Variants in CEP57L1 observed in about 807,000 individuals in gnomAD.
CEP57L1 encodes centrosomal protein 57 like 1.
Under a neutral mutation model 61.0 loss-of-function variants are expected in CEP57L1, and 37 were observed. That is an observed-to-expected ratio of 0.61 (90% CI 0.47 to 0.80). The LOEUF (loss-of-function observed/expected upper bound fraction) is 0.80. Among genes scored for constraint, CEP57L1 ranks in the 30% least tolerant of loss-of-function variants. The probability of loss-of-function intolerance (pLI) is 0.00; values close to 1 mark genes in which losing one functional copy is unlikely to be tolerated. For synonymous variants in CEP57L1, 137 were observed against 162.3 expected, an observed-to-expected ratio of 0.84 and a Z score of 1.19; for missense variants, 422 against 524.7, an observed-to-expected ratio of 0.80 and a Z score of 1.91.
At chr6:109,101,650 T>C (rs1341115573) in intron 1 of CEP57L1, among the ~76,000 whole-genome samples, 1 of 149,978 alleles carries the variant, frequency 6.7e-6, no homozygotes, top group Non-Finnish European at 1.5e-5. Flanking sequence ...AGACGGAGTC[T>C]CACTCTTTCG....
chr6:109,106,981 C>T lies in CEP57L1; in HGVS notation c.-4+11406C>T, dbSNP rs17070181. On this transcript the variant is annotated intron_variant, in intron 1 of 10. Coordinates refer to ENST00000517392, the MANE Select transcript of CEP57L1 (RefSeq NM_001271852.3). ...AAAATTAATGTTTGGTTAACATGTA[C>T]GTATAAAAGATAAAATTCTCCTTAA... Among the ~76,000 whole-genome samples the T allele has an allele frequency of 3.6e-3, 542 of 152,026 alleles. 6 individuals carry two copies. The highest frequency in any genetic ancestry group is 0.012 in the African/African-American group (503 of 41,430).
rs1242063815 is a variant in CEP57L1, at chr6:109,172,941, C to A, written c.*9971C>A. ...CACATACTATACTGAAGTCAGGAAC[C>A]AAGAACCGGTCAATTTACCTCAGCC... is the stretch of plus-strand genomic sequence containing the variant. On this transcript the variant is annotated 3_prime_UTR_variant, in exon 11 of 11. Transcript: ENST00000517392. 2.0e-5 allele frequency among the ~76,000 whole-genome samples: 3 copies of A among 152,148 alleles called. No individual in the cohort carries two copies. The highest frequency in any genetic ancestry group is 2.9e-5 in the Non-Finnish European group (2 of 68,038).
At chr6:109,115,932 T>C (rs1344740393) in intron 1 of CEP57L1, among the ~76,000 whole-genome samples, 2 of 152,142 alleles carry the variant, frequency 1.3e-5, no homozygotes. Context: ...ATTGCAGATA[T>C]GAAGAATATA....
chr6:109,132,694 T>C (rs188432326), intron 1 of CEP57L1, among the ~76,000 whole-genome samples: 1 of 152,330 alleles, frequency 6.6e-6, no homozygotes, highest in Admixed American at 6.5e-5. Context: ...AATACTAAAT[T>C]GTTTTAAAAT....
rs375571336 is a variant in CEP57L1, at chr6:109,109,060, G to A, written c.-4+13485G>A. ...TACAAATTTCTAACAAGGATGTTGT[G>A]GACAATTTGCTCTTCGTTATTTCTA... On this transcript the variant is annotated intron_variant, in intron 1 of 10. Coordinates refer to ENST00000517392, the MANE Select transcript of CEP57L1 (RefSeq NM_001271852.3). Among the ~76,000 whole-genome samples, 17 of 152,206 alleles carry A rather than the reference G, an allele frequency of 1.1e-4. No individual in the cohort carries two copies. The East Asian group carries it at 2.9e-3, about 26-fold the overall frequency.
chr6:109,098,497 T>C (rs1314228944), intron 1 of CEP57L1, among the ~76,000 whole-genome samples: 3 of 152,126 alleles, frequency 2.0e-5, no homozygotes, highest in East Asian at 3.9e-4. Context: ...GGCTGGAGTA[T>C]AGTCATAGCT....
At chr6:109,120,928 A>G (rs915003610) in intron 1 of CEP57L1, among the ~76,000 whole-genome samples, 1 of 103,508 alleles carries the variant, frequency 9.7e-6, no homozygotes, top group African/African-American at 2.9e-5. Flanking sequence ...ACACACACAC[A>G]CACACACACA....
intron 1 of CEP57L1, among the ~76,000 whole-genome samples, chr6:109,107,738 C>G (rs1035086243): frequency 2.0e-5 from 3 of 152,052 alleles, no homozygotes; most frequent in South Asian, 2.1e-4. Flanking sequence ...GTCAGGAGTT[C>G]GAGACCAGCT....
chr6:109,164,835 A>G lies in CEP57L1; in HGVS notation c.*1865A>G, dbSNP rs1407394996. On this transcript the variant is annotated 3_prime_UTR_variant, in exon 11 of 11. Coordinates refer to ENST00000517392, the MANE Select transcript of CEP57L1 (RefSeq NM_001271852.3). ...GGTGGCTCACACCTATAATCCCAGC[A>G]CTTTGGGAGGCCGAGGCAGGCAGAT... 6.6e-6 allele frequency among the ~76,000 whole-genome samples: 1 copy of G among 152,124 alleles called. No individual in the cohort carries two copies. Among genetic ancestry groups the G allele is most frequent in the Admixed American group, 6.5e-5 (1 of 15,268 alleles).
At chr6:109,138,910 AT>A (rs756655970) in intron 1 of CEP57L1, among the ~76,000 whole-genome samples, 3 of 152,186 alleles carry the variant, frequency 2.0e-5, no homozygotes, top group Non-Finnish European at 2.9e-5. Flanking sequence ...TGGATAGAAG[AT>A]TCATTCTTAC....
intron 1 of CEP57L1, among the ~76,000 whole-genome samples, chr6:109,131,350 T>C (rs1774181416): frequency 6.6e-6 from 1 of 152,154 alleles, no homozygotes. Context: ...TTGTTTACTG[T>C]TTGTTCTATT....
At chr6:109,147,467 TAA>T (rs1357787209) in intron 3 of CEP57L1, among the ~76,000 whole-genome samples, 2 of 152,172 alleles carry the variant, frequency 1.3e-5, no homozygotes, top group African/African-American at 4.8e-5. Context: ...ATTTAGAACA[TAA>T]GTCTTTTAAG....
intron 1 of CEP57L1, among the ~76,000 whole-genome samples, chr6:109,128,280 A>T (rs951493152): frequency 6.6e-6 from 1 of 151,912 alleles, no homozygotes; most frequent in Non-Finnish European, 1.5e-5. Context: ...TATTTCCATT[A>T]ATTCACCACT....
chr6:109,137,895 A>G (rs1770918330), intron 1 of CEP57L1, among the ~76,000 whole-genome samples: 1 of 152,248 alleles, frequency 6.6e-6, no homozygotes, highest in East Asian at 1.9e-4. Flanking sequence ...AAATAGAATT[A>G]GTGTTTTATA....
chr6:109,139,887 C>T (rs1301332447), intron 1 of CEP57L1, among the ~76,000 whole-genome samples: 1 of 152,098 alleles, frequency 6.6e-6, no homozygotes, highest in East Asian at 1.9e-4. Context: ...CTTCCTCACC[C>T]TCCCAAAGTG....
At chr6:109,147,598 T>TA (rs934949324) in intron 3 of CEP57L1, among the ~76,000 whole-genome samples, 1 of 152,048 alleles carries the variant, frequency 6.6e-6, no homozygotes, top group African/African-American at 2.4e-5. Flanking sequence ...GGGAGAAAAA[T>TA]ATTTCTGAGG....
chr6:109,117,655 TA>T (rs1486156265), intron 1 of CEP57L1, among the ~76,000 whole-genome samples: 62 of 152,334 alleles, frequency 4.1e-4, no homozygotes, highest in African/African-American at 1.4e-3. Flanking sequence ...TGGCACATGA[TA>T]GATGCTTAGC....
At position 109,171,862 on chromosome 6, in the gene CEP57L1, G is replaced by T. The variant is rs1187187584; in HGVS notation, c.*8892G>T. Among the ~76,000 whole-genome samples, 2 of 152,114 alleles carry T rather than the reference G, an allele frequency of 1.3e-5. No individual in the cohort carries two copies. Among genetic ancestry groups the T allele is most frequent in the Non-Finnish European group, 2.9e-5 (2 of 68,024 alleles). ...GCCAAGACCAGGGATATAGTTATTA[G>T]TAATTTACAGGAAAGGCTCAAGGTT... On this transcript the variant is annotated 3_prime_UTR_variant, in exon 11 of 11. Coordinates refer to ENST00000517392, the MANE Select transcript of CEP57L1 (RefSeq NM_001271852.3).
rs368427877 is a variant in CEP57L1, at chr6:109,162,995, A to G, written c.*25A>G. On this transcript the variant is annotated 3_prime_UTR_variant, in exon 11 of 11. Transcript: ENST00000517392. Reference sequence around the variant, plus strand: ...ACAAAACAGCAAAACTGTCACCTTAATGAACTTTGTCAGTGAGACCTTGAA... The same window carrying G: ...ACAAAACAGCAAAACTGTCACCTTAGTGAACTTTGTCAGTGAGACCTTGAA... 416 of 1,483,104 alleles carry G rather than the reference A, an allele frequency of 2.8e-4. No individual in the cohort carries two copies. Among genetic ancestry groups the G allele is most frequent in the Non-Finnish European group, 3.7e-4 (391 of 1,065,432 alleles). 91.9% of individuals were successfully genotyped at this position (1,483,104 alleles called of 1,614,324 possible).
Sources: gnomAD v4.1 joint callset for allele counts (sites outside exome capture counted in the v4.1 genomes callset) on GRCh38, gnomAD v4.1.1 for gene constraint, MANE v1.5 for transcripts, NCBI Gene and HGNC (gene_info 2026-07-23, HGNC 2026-07-21) for gene names.